Variants in TRAF5 observed in about 807,000 individuals in gnomAD.
The protein encoded by TRAF5 is TNF receptor associated factor 5.
Under a neutral mutation model 64.5 loss-of-function variants are expected in TRAF5, and 48 were observed. The observed-to-expected ratio is 0.74, with a 90% confidence interval of 0.59 to 0.95. The LOEUF is 0.95. Among genes scored for constraint, TRAF5 ranks in the 40% least tolerant of loss-of-function variants. The probability of loss-of-function intolerance (pLI) is 0.00; values close to 1 mark genes in which losing one functional copy is unlikely to be tolerated. For synonymous variants in TRAF5, 206 were observed against 240.5 expected (o/e 0.86, Z 1.33); for missense variants, 545 against 662.8 (o/e 0.82, Z 1.95).
At chr1:211,329,627 G>A (rs1002866741) in intron 1 of TRAF5, among the ~76,000 whole-genome samples, 6 of 152,196 alleles carry the variant, frequency 3.9e-5, no homozygotes, top group Admixed American at 2.0e-4. Flanking sequence ...GGCAGGAGGA[G>A]GATGAGAGAA....
intron 1 of TRAF5, among the ~76,000 whole-genome samples, chr1:211,332,486 G>T (rs1702182472): frequency 6.6e-6 from 1 of 152,170 alleles, no homozygotes; most frequent in Admixed American, 6.5e-5. Context: ...GGTGGGTGGG[G>T]CTAAGCTAAG....
chr1:211,351,128 G>A (rs1271024217), intron 1 of TRAF5, among the ~76,000 whole-genome samples: 1 of 145,720 alleles, frequency 6.9e-6, no homozygotes, highest in Non-Finnish European at 1.5e-5. Context: ...CTGGGTTCAC[G>A]CCATTCTCCT....
At chr1:211,349,881 G>A (rs1187238598) in intron 1 of TRAF5, among the ~76,000 whole-genome samples, 1 of 152,178 alleles carries the variant, frequency 6.6e-6, no homozygotes, top group Admixed American at 6.5e-5. Context: ...GAGAATCTCA[G>A]AAGGACATAG....
intron 1 of TRAF5, among the ~76,000 whole-genome samples, chr1:211,342,566 T>C (rs1057119385): frequency 6.6e-6 from 1 of 152,246 alleles, no homozygotes; most frequent in African/African-American, 2.4e-5. Flanking sequence ...TATCAAATAC[T>C]AGATTGTATT....
At chr1:211,372,100 CTT>C (rs10717294) in intron 10 of TRAF5, 26 bp from the exon 11 acceptor site, 114,259 of 1,188,294 alleles carry the variant, frequency 0.096, 1 homozygote, top group East Asian at 0.15. Context: ...CCTATGGAAT[CTT>C]TTTTTTTTTT....
At chr1:211,340,035 C>T (rs1384508755) in intron 1 of TRAF5, among the ~76,000 whole-genome samples, 11 of 152,208 alleles carry the variant, frequency 7.2e-5, no homozygotes, top group Non-Finnish European at 1.6e-4. Flanking sequence ...GGTCATGCCA[C>T]GGTTTCTAAA....
chr1:211,351,064 G>T (rs1170716677), intron 1 of TRAF5, among the ~76,000 whole-genome samples: 1 of 110,348 alleles, frequency 9.1e-6, no homozygotes, highest in African/African-American at 3.5e-5. Flanking sequence ...ACGGAGTCTT[G>T]CTCTGACACT....
intron 1 of TRAF5, among the ~76,000 whole-genome samples, chr1:211,343,880 C>T (rs1404645761): frequency 6.6e-6 from 1 of 152,140 alleles, no homozygotes; most frequent in Non-Finnish European, 1.5e-5. Context: ...CCCTAGGTAG[C>T]AGTGGGGACT....
At chr1:211,362,880 G>A (rs1006676390) in intron 7 of TRAF5, among the ~76,000 whole-genome samples, 1 of 152,054 alleles carries the variant, frequency 6.6e-6, no homozygotes, top group African/African-American at 2.4e-5. Context: ...AAAAAAGGGG[G>A]GGGCTATTTT....
chr1:211,357,485 A>C (rs1188336691), intron 4 of TRAF5: 1 of 152,234 alleles, frequency 6.6e-6, no homozygotes, highest in Non-Finnish European at 1.5e-5. Context: ...AGTGAGGCTC[A>C]AATGGACCAT....
intron 1 of TRAF5, among the ~76,000 whole-genome samples, chr1:211,350,149 G>A (rs1007704103): frequency 6.6e-6 from 1 of 151,132 alleles, no homozygotes; most frequent in African/African-American, 2.4e-5. Context: ...CACCCTTGAA[G>A]TTTTGCAGGA....
intron 1 of TRAF5, among the ~76,000 whole-genome samples, chr1:211,349,217 A>T (rs1702707822): frequency 6.6e-6 from 1 of 152,158 alleles, no homozygotes; most frequent in African/African-American, 2.4e-5. Context: ...CTGAAAAGAA[A>T]GAAAAAACAA....
chr1:211,340,880 C>T (rs902423854), intron 1 of TRAF5, among the ~76,000 whole-genome samples: 1 of 152,204 alleles, frequency 6.6e-6, no homozygotes, highest in African/African-American at 2.4e-5. Context: ...CCTCTGGTGT[C>T]CCACCTTTAT....
At chr1:211,358,856 TAATA>T (rs1449957358) in intron 4 of TRAF5, 1 of 148,344 alleles carries the variant, frequency 6.7e-6, no homozygotes, top group Non-Finnish European at 1.5e-5. Context: ...ATATTGTTTA[TAATA>T]AATACATTAT....
chr1:211,370,520 A>G (rs1461268398), intron 9 of TRAF5, among the ~76,000 whole-genome samples: 1 of 152,174 alleles, frequency 6.6e-6, no homozygotes, highest in East Asian at 1.9e-4. Flanking sequence ...CAATGGAGTT[A>G]TGTCCTGATA....
At chr1:211,366,866 G>A (rs1458090262) in intron 8 of TRAF5, among the ~76,000 whole-genome samples, 1 of 152,142 alleles carries the variant, frequency 6.6e-6, no homozygotes, top group Non-Finnish European at 1.5e-5. Flanking sequence ...ACTCTGCCTT[G>A]TTTCAGAAAG....
intron 1 of TRAF5, among the ~76,000 whole-genome samples, chr1:211,333,124 T>G (rs998571334): frequency 3.9e-5 from 6 of 152,176 alleles, no homozygotes; most frequent in African/African-American, 1.4e-4. Context: ...AAGTGCTAGA[T>G]TTTCTCATTA....
chr1:211,342,660 C>T (rs964166640), intron 1 of TRAF5, among the ~76,000 whole-genome samples: 1 of 152,162 alleles, frequency 6.6e-6, no homozygotes, highest in Non-Finnish European at 1.5e-5. Flanking sequence ...CCCACAACTA[C>T]CCTTCCCAGC....
intron 4 of TRAF5, 37 bp downstream of exon 4, chr1:211,356,505 T>G: frequency 6.3e-7 from 1 of 1,578,436 alleles, no homozygotes; most frequent in Non-Finnish European, 8.7e-7. Context: ...GCTTTTGCCA[T>G]TTTTCCAGGA....
Sources: allele counts gnomAD v4.1 joint callset (sites outside exome capture counted in the v4.1 genomes callset), GRCh38; gene constraint gnomAD v4.1.1; transcripts MANE v1.5; gene names NCBI Gene and HGNC (gene_info 2026-07-23, HGNC 2026-07-21).